Variants in TUBA1C observed in about 807,000 individuals in gnomAD.
TUBA1C encodes tubulin alpha-1C chain.
In TUBA1C, 16 loss-of-function variants were observed where a neutral mutation model predicts 34.9. That is an observed-to-expected ratio of 0.46 (90% CI 0.31 to 0.70). The LOEUF (loss-of-function observed/expected upper bound fraction) is 0.70. Among genes scored for constraint, TUBA1C ranks in the 30% least tolerant of loss-of-function variants. The pLI is 0.05. For missense variants in TUBA1C, 329 were observed against 587.3 expected (o/e 0.56, Z 4.55); for synonymous variants, 177 against 215.9 (o/e 0.82, Z 1.58).
chr12:49,265,054 A>T, upstream of TUBA1C: 4 of 1,309,720 alleles, frequency 3.1e-6, no homozygotes, highest in Non-Finnish European at 4.0e-6. Flanking sequence ...CCGGGTATAT[A>T]AGGCCCTTCG....
rs566467213 is a variant in TUBA1C, at chr12:49,246,810, A to C, written c.213+18644A>C. Among the ~76,000 whole-genome samples the C allele has an allele frequency of 9.2e-5, 14 of 152,262 alleles. No homozygotes were observed. In the South Asian group the frequency reaches 2.9e-3, roughly 32 times the overall value. On this transcript the variant is annotated intron_variant, in intron 1 of 3. Transcript: ENST00000541364. ...CCCATCATTGGTCAACCAGGAGGCTACTCAGACACAGGGGGCAACCCCTAG... is the reference window on the plus strand; with the variant it reads ...CCCATCATTGGTCAACCAGGAGGCTCCTCAGACACAGGGGGCAACCCCTAG...
At chr12:49,265,065 G>A, upstream of TUBA1C, 1 of 1,368,284 alleles carries the variant, frequency 7.3e-7, no homozygotes, top group South Asian at 1.9e-5. Flanking sequence ...AGGCCCTTCG[G>A]GGCCGGCCAC....
At chr12:49,257,684 C>A (rs764988630) in intron 1 of TUBA1C, among the ~76,000 whole-genome samples, 1 of 151,714 alleles carries the variant, frequency 6.6e-6, no homozygotes, top group African/African-American at 2.4e-5. Context: ...GAAGCTAAGG[C>A]GAGAGGATTG....
At chr12:49,251,981 G>A (rs1942736717) in intron 1 of TUBA1C, among the ~76,000 whole-genome samples, 1 of 152,040 alleles carries the variant, frequency 6.6e-6, no homozygotes, top group African/African-American at 2.4e-5. Flanking sequence ...AGGAATAGAA[G>A]GGAATATCCT....
chr12:49,270,330 G>A (rs1942974458), intron 3 of TUBA1C: 1 of 396,728 alleles, frequency 2.5e-6, no homozygotes, highest in African/African-American at 2.1e-5. Context: ...AAAGTTCAGA[G>A]AACAAGAAGC....
At chr12:49,248,620 T>C (rs1942699437) in intron 1 of TUBA1C, among the ~76,000 whole-genome samples, 1 of 151,006 alleles carries the variant, frequency 6.6e-6, no homozygotes. Context: ...TCTCAGCACT[T>C]TGGGAGGCCG....
At chr12:49,272,199 T>C in intron 3 of TUBA1C, 54 bp from the exon 4 acceptor site, 4 of 1,547,868 alleles carry the variant, frequency 2.6e-6, no homozygotes, top group Non-Finnish European at 3.5e-6. Context: ...TCACCAAATG[T>C]GAACACTAAA....
intron 1 of TUBA1C, among the ~76,000 whole-genome samples, chr12:49,232,599 A>G (rs1177441489): frequency 6.6e-6 from 1 of 152,180 alleles, no homozygotes; most frequent in Admixed American, 6.5e-5. Context: ...TCTTATGAGA[A>G]AAAAATATCA....
At chr12:49,265,216 G>A (rs1942889492) in intron 1 of TUBA1C, 32 bp downstream of exon 1, 6 of 1,580,140 alleles carry the variant, frequency 3.8e-6, no homozygotes, top group Admixed American at 1.7e-5. Flanking sequence ...CTGGGGAAGA[G>A]TGCGCGTCCC....
At chr12:49,246,335 A>G (rs1942666960) in intron 1 of TUBA1C, among the ~76,000 whole-genome samples, 1 of 152,212 alleles carries the variant, frequency 6.6e-6, no homozygotes, top group East Asian at 1.9e-4. Context: ...AGAAAATGTG[A>G]TGGAAGAACC....
intron 1 of TUBA1C, among the ~76,000 whole-genome samples, chr12:49,267,475 A>G (rs1942930151): frequency 6.6e-6 from 1 of 152,164 alleles, no homozygotes; most frequent in Non-Finnish European, 1.5e-5. Flanking sequence ...CCTGGCCAAC[A>G]TGGTGAAACC....
chr12:49,268,710 ACTG>A (rs1437925308), intron 1 of TUBA1C, among the ~76,000 whole-genome samples: 1 of 152,174 alleles, frequency 6.6e-6, no homozygotes, highest in Non-Finnish European at 1.5e-5. Context: ...AATACAGCTA[ACTG>A]CTGCTTATCC....
chr12:49,246,212 C>T (rs1264512934), intron 1 of TUBA1C, among the ~76,000 whole-genome samples: 1 of 148,666 alleles, frequency 6.7e-6, no homozygotes, highest in Non-Finnish European at 1.5e-5. Context: ...GGCCTAATTG[C>T]CACATACTTC....
chr12:49,253,598 C>A (rs1019774244), intron 1 of TUBA1C, among the ~76,000 whole-genome samples: 1 of 151,990 alleles, frequency 6.6e-6, no homozygotes, highest in African/African-American at 2.4e-5. Flanking sequence ...GCAGTGGCAC[C>A]AACATGGCTA....
intron 1 of TUBA1C, among the ~76,000 whole-genome samples, chr12:49,259,726 A>C (rs1942823829): frequency 6.6e-6 from 1 of 152,200 alleles, no homozygotes; most frequent in Admixed American, 6.6e-5. Flanking sequence ...GTAAGAAGAG[A>C]CCGGTTTCAC....
intron 3 of TUBA1C, among the ~76,000 whole-genome samples, chr12:49,270,903 C>T (rs1238745575): frequency 1.3e-5 from 2 of 152,056 alleles, no homozygotes; most frequent in Non-Finnish European, 2.9e-5. Flanking sequence ...GGCGTGAACA[C>T]GGGAGGCGGA....
intron 1 of TUBA1C, among the ~76,000 whole-genome samples, chr12:49,243,700 C>G (rs1375097581): frequency 1.3e-5 from 2 of 152,054 alleles, no homozygotes; most frequent in African/African-American, 4.8e-5. Context: ...CAGCCTCAAT[C>G]TTTTTGCTGT....
At chr12:49,231,908 A>G (rs1346537929) in intron 1 of TUBA1C, among the ~76,000 whole-genome samples, 1 of 152,230 alleles carries the variant, frequency 6.6e-6, no homozygotes. Context: ...TTCTGTGTCT[A>G]GCTTCAGAAT....
intron 1 of TUBA1C, among the ~76,000 whole-genome samples, chr12:49,266,467 G>A (rs1942914167): frequency 6.6e-6 from 1 of 151,938 alleles, no homozygotes; most frequent in African/African-American, 2.4e-5. Flanking sequence ...GAGTAAACTA[G>A]TACCACGTGT....
Sources: allele counts gnomAD v4.1 joint callset (sites outside exome capture counted in the v4.1 genomes callset), GRCh38; gene constraint gnomAD v4.1.1; transcripts MANE v1.5; gene names NCBI Gene and HGNC (gene_info 2026-07-23, HGNC 2026-07-21).